Variants in PCDH11Y observed in about 807,000 individuals in gnomAD.
PCDH11Y encodes the protein protocadherin-11 Y-linked.
For synonymous variants in PCDH11Y, 9 were observed against 83.6 expected (o/e 0.11, Z 4.87); for missense variants, 12 against 224.8 (o/e 0.05, Z 6.05).
intron 3 of PCDH11Y, among the ~76,000 whole-genome samples, chrY:5,506,755 C>G (rs2124688553): frequency 3.1e-5 from 1 of 31,805 alleles, no homozygotes; most frequent in Non-Finnish European, 7.7e-5. Flanking sequence ...TCAATGATAT[C>G]AGTTATGGTC....
chrY:5,486,749 A>AT (rs2053333395), intron 2 of PCDH11Y, among the ~76,000 whole-genome samples: 2 of 10,391 alleles, frequency 1.9e-4, no homozygotes, highest in South Asian at 2.6e-3. Flanking sequence ...ATATATATAT[A>AT]TATTTTTTTT....
At chrY:5,129,216 T>A (rs1602872657) in intron 2 of PCDH11Y, among the ~76,000 whole-genome samples, 1 of 33,535 alleles carries the variant, frequency 3.0e-5, no homozygotes, top group East Asian at 7.8e-4. Context: ...CTAGTGAAAG[T>A]ATGTACTACC....
At chrY:5,360,738 A>G in intron 2 of PCDH11Y, among the ~76,000 whole-genome samples, 1 of 32,871 alleles carries the variant, frequency 3.0e-5, no homozygotes, top group South Asian at 6.8e-4. Flanking sequence ...ATAAAAGTCA[A>G]ACATCTTGTT....
chrY:5,183,983 T>C, intron 2 of PCDH11Y, among the ~76,000 whole-genome samples: 1 of 28,195 alleles, frequency 3.5e-5, no homozygotes, highest in Non-Finnish European at 7.7e-5. Context: ...ATCAACTCTC[T>C]TAGTAAATGT....
At chrY:5,361,156 T>C in intron 2 of PCDH11Y, among the ~76,000 whole-genome samples, 1 of 26,901 alleles carries the variant, frequency 3.7e-5, no homozygotes, top group Non-Finnish European at 8.7e-5. Context: ...GCTCATTCTT[T>C]TTCATACTGC....
At chrY:5,159,710 G>C in intron 2 of PCDH11Y, among the ~76,000 whole-genome samples, 1 of 30,180 alleles carries the variant, frequency 3.3e-5, no homozygotes, top group African/African-American at 1.3e-4. Flanking sequence ...CAATCCAGAG[G>C]GGGTGCGATA....
rs2052853865 is a variant in PCDH11Y, at chrY:5,144,014, TA to T, written c.3129+43311del. Among the ~76,000 whole-genome samples, 4 of 33,559 alleles carry T rather than the reference TA, an allele frequency of 1.2e-4. No homozygotes were observed. In the South Asian group the frequency reaches 2.6e-3, roughly 22 times the overall value. The allele number at this position is 33,559 out of a possible 37,273, so 90.0% of individuals were successfully genotyped here. A position where few individuals can be genotyped will look rare whatever the true frequency, so the allele number is the denominator to read the frequency against. On this transcript the variant is annotated intron_variant, in intron 2 of 4. Transcript: ENST00000400457. ...TCAACTTTGAAAGAAGGCAAATATA[TA>T]AAATGATCCTGAATTGCCTACTCAA...
exon 1 of PCDH11Y, chrY:5,056,678 A>G: frequency 3.5e-6 from 1 of 283,105 alleles, no homozygotes; most frequent in South Asian, 4.3e-5. Context: ...TTGATACTGT[A>G]GGTATCTTAT....
intron 1 of PCDH11Y, among the ~76,000 whole-genome samples, chrY:5,021,233 G>C: frequency 3.0e-5 from 1 of 33,179 alleles, no homozygotes; most frequent in African/African-American, 1.2e-4. Flanking sequence ...ACCTCATTAA[G>C]GTTTTTGTGG....
chrY:5,357,068 A>G (rs2053167639), intron 2 of PCDH11Y, among the ~76,000 whole-genome samples: 1 of 27,081 alleles, frequency 3.7e-5, no homozygotes. Flanking sequence ...GTGTGCATGT[A>G]GTCCCAGCTA....
chrY:5,207,668 C>A (rs2052933848), intron 2 of PCDH11Y: 1 of 271,490 alleles, frequency 3.7e-6, no homozygotes, highest in Non-Finnish European at 5.9e-6. Context: ...GAAGGCCCAG[C>A]AATGTCGAAA....
At chrY:5,122,508 G>A in intron 2 of PCDH11Y, among the ~76,000 whole-genome samples, 1 of 32,025 alleles carries the variant, frequency 3.1e-5, no homozygotes, top group Non-Finnish European at 7.6e-5. Flanking sequence ...ATGGTGAGTG[G>A]TGCCACTTCC....
At chrY:5,461,968 C>T (rs2124683887) in intron 2 of PCDH11Y, among the ~76,000 whole-genome samples, 2 of 33,545 alleles carry the variant, frequency 6.0e-5, no homozygotes, top group African/African-American at 2.3e-4. Context: ...ATCAATTTTT[C>T]TTATTTTCTC....
At chrY:5,393,901 C>A (rs2124676222) in intron 2 of PCDH11Y, among the ~76,000 whole-genome samples, 9 of 30,465 alleles carry the variant, frequency 3.0e-4, no homozygotes, top group African/African-American at 1.1e-3. Context: ...CCAAAAATCT[C>A]ATTTTAAAAT....
At chrY:5,405,938 A>G in intron 2 of PCDH11Y, among the ~76,000 whole-genome samples, 1 of 32,211 alleles carries the variant, frequency 3.1e-5, no homozygotes, top group African/African-American at 1.2e-4. Context: ...CTACTTTTGA[A>G]CAAGTTCCAT....
At chrY:5,426,595 C>A (rs2053263388) in intron 2 of PCDH11Y, among the ~76,000 whole-genome samples, 2 of 32,459 alleles carry the variant, frequency 6.2e-5, no homozygotes, top group South Asian at 1.3e-3. Flanking sequence ...AATTTATTAG[C>A]ATATGTGTTC....
chrY:5,088,440 C>T, intron 1 of PCDH11Y, among the ~76,000 whole-genome samples: 1 of 33,175 alleles, frequency 3.0e-5, no homozygotes, highest in Non-Finnish European at 7.4e-5. Context: ...TTTAGTTATT[C>T]GAATGACTTA....
At chrY:5,383,651 G>C (rs2053207594) in intron 2 of PCDH11Y, among the ~76,000 whole-genome samples, 1 of 32,820 alleles carries the variant, frequency 3.0e-5, no homozygotes, top group Non-Finnish European at 7.5e-5. Context: ...ACAGAGTCTA[G>C]CTCTGTCGCC....
chrY:5,621,378 G>A, intron 4 of PCDH11Y, among the ~76,000 whole-genome samples: 3 of 32,164 alleles, frequency 9.3e-5, no homozygotes, highest in Admixed American at 8.6e-4. Flanking sequence ...ACAAACCACC[G>A]CTCAAGGAAA....
Sources: gnomAD v4.1 joint callset for allele counts (sites outside exome capture counted in the v4.1 genomes callset) on GRCh38, gnomAD v4.1.1 for gene constraint, MANE v1.5 for transcripts, NCBI Gene and HGNC (gene_info 2026-07-23, HGNC 2026-07-21) for gene names.